The following FAM3C variants were observed in gnomAD, a reference collection of about 807,000 sequenced individuals.
FAM3C encodes the protein protein FAM3C.
In FAM3C, 15 loss-of-function variants were observed where a neutral mutation model predicts 32.5. The observed-to-expected ratio is 0.46, with a 90% confidence interval of 0.31 to 0.71. FAM3C has a LOEUF of 0.71. FAM3C is among the 30% of genes least tolerant of loss of function. FAM3C has a pLI of 0.05. For synonymous variants in FAM3C, 75 were observed against 86.1 expected (o/e 0.87, Z 0.72); for missense variants, 175 against 274.4 (o/e 0.64, Z 2.56).
At chr7:121,376,143 C>G (rs1367796523) in intron 3 of FAM3C, among the ~76,000 whole-genome samples, 2 of 152,194 alleles carry the variant, frequency 1.3e-5, no homozygotes, top group Non-Finnish European at 2.9e-5. Context: ...TAGAAGTACA[C>G]AGACCAGAAC....
chr7:121,369,236 C>G (rs1794093533), intron 5 of FAM3C, among the ~76,000 whole-genome samples: 1 of 152,112 alleles, frequency 6.6e-6, no homozygotes, highest in African/African-American at 2.4e-5. Flanking sequence ...CCGCTTCGAC[C>G]TCCCAAAGTG....
chr7:121,356,646 T>C (rs1793815349), intron 8 of FAM3C, among the ~76,000 whole-genome samples: 1 of 152,182 alleles, frequency 6.6e-6, no homozygotes. Context: ...AACAAGAGAA[T>C]CTTGCCCAGG....
rs67277678 is a variant in FAM3C at position 121,381,656 on chromosome 7, CCACACACACA to C, written c.13+1291_13+1300del. ...AAGTCCTGCTGTACTCAAAGAACAT[CCACACACACA>C]CACACACACACACACACACACACAC... On this transcript the variant is annotated intron_variant, in intron 2 of 9. Transcript: ENST00000359943. Among the ~76,000 whole-genome samples the C allele has an allele frequency of 7.4e-3, 1,051 of 142,322 alleles. 11 individuals carry two copies. The highest frequency in any genetic ancestry group is 0.026 in the African/African-American group (1,010 of 39,240). 93.4% of individuals were successfully genotyped at this position (142,322 alleles called of 152,430 possible). A position where few individuals can be genotyped will look rare whatever the true frequency, so the allele number is the denominator to read the frequency against.
intron 3 of FAM3C, among the ~76,000 whole-genome samples, chr7:121,378,114 C>G (rs759707920): frequency 2.0e-5 from 3 of 152,142 alleles, no homozygotes; most frequent in Admixed American, 6.5e-5. Flanking sequence ...ATAAGATATT[C>G]ATATACAATC....
chr7:121,382,757 C>CA (rs370014532), intron 2 of FAM3C, among the ~76,000 whole-genome samples, 200 bp downstream of exon 2: 1,557 of 143,230 alleles, frequency 0.011, 11 homozygotes, highest in Middle Eastern at 0.036. Flanking sequence ...AAGACTTGAA[C>CA]AAAAAAAAAA....
intron 2 of FAM3C, among the ~76,000 whole-genome samples, 189 bp from the exon 3 acceptor site, chr7:121,379,203 C>T (rs571286210): frequency 6.6e-6 from 1 of 152,178 alleles, no homozygotes; most frequent in East Asian, 1.9e-4. Context: ...TTTTCCTGAT[C>T]AAAGAATTCT....
At chr7:121,350,584 A>G in intron 9 of FAM3C, 34 bp from the exon 10 acceptor site, 1 of 1,598,790 alleles carries the variant, frequency 6.3e-7, no homozygotes, top group Non-Finnish European at 8.6e-7. Context: ...ACAGTTTAAA[A>G]AACCGTTGTA....
intron 1 of FAM3C, among the ~76,000 whole-genome samples, chr7:121,393,684 G>C (rs1213518968): frequency 6.6e-6 from 1 of 152,196 alleles, no homozygotes; most frequent in Admixed American, 6.5e-5. Context: ...TTCCTCCTCT[G>C]AGAGGAAGTC....
intron 1 of FAM3C, among the ~76,000 whole-genome samples, chr7:121,385,918 G>A (rs1467494470): frequency 6.6e-6 from 1 of 152,138 alleles, no homozygotes; most frequent in East Asian, 1.9e-4. Flanking sequence ...TATGAGATCA[G>A]GGGATTTCTC....
At chr7:121,371,201 A>G in intron 5 of FAM3C, 99 bp downstream of exon 5, 1 of 1,369,898 alleles carries the variant, frequency 7.3e-7, no homozygotes, top group Non-Finnish European at 1.0e-6. Context: ...TCCATTAATA[A>G]AGTATACCGA....
intron 8 of FAM3C, among the ~76,000 whole-genome samples, chr7:121,359,183 T>C (rs1793874217): frequency 6.6e-6 from 1 of 151,954 alleles, no homozygotes; most frequent in Non-Finnish European, 1.5e-5. Flanking sequence ...ATTAATCATT[T>C]CCACTTTAAA....
At chr7:121,352,963 T>G (rs566731323) in intron 8 of FAM3C, among the ~76,000 whole-genome samples, 1 of 152,282 alleles carries the variant, frequency 6.6e-6, no homozygotes, top group African/African-American at 2.4e-5. Flanking sequence ...AGTATTGAAA[T>G]GTCTAGAGCA....
intron 8 of FAM3C, among the ~76,000 whole-genome samples, chr7:121,352,819 C>T (rs897126518): frequency 2.6e-5 from 4 of 152,216 alleles, no homozygotes; most frequent in African/African-American, 7.2e-5. Flanking sequence ...TATTGGGATG[C>T]CATGGATCTA....
chr7:121,360,764 G>T (rs1793903287), intron 7 of FAM3C, among the ~76,000 whole-genome samples: 1 of 152,164 alleles, frequency 6.6e-6, no homozygotes, highest in Non-Finnish European at 1.5e-5. Flanking sequence ...GAGGCCAGGA[G>T]GTGGAGGTTG....
chr7:121,368,852 T>A (rs1004651877), intron 5 of FAM3C, among the ~76,000 whole-genome samples: 1 of 151,854 alleles, frequency 6.6e-6, no homozygotes, highest in African/African-American at 2.4e-5. Context: ...AACTGTTCCA[T>A]AACCCTCAAT....
intron 1 of FAM3C, among the ~76,000 whole-genome samples, chr7:121,390,215 T>C (rs1794547495): frequency 6.6e-6 from 1 of 152,270 alleles, no homozygotes; most frequent in African/African-American, 2.4e-5. Flanking sequence ...AAACTCATTT[T>C]GCATCTTGCT....
intron 8 of FAM3C, among the ~76,000 whole-genome samples, chr7:121,353,672 C>T (rs892779111): frequency 1.3e-5 from 2 of 152,134 alleles, no homozygotes; most frequent in Non-Finnish European, 1.5e-5. Flanking sequence ...CAGAGGGTGC[C>T]TACATGACCA....
At chr7:121,381,332 GATTA>G (rs1373723839) in intron 2 of FAM3C, among the ~76,000 whole-genome samples, 6 of 152,074 alleles carry the variant, frequency 3.9e-5, no homozygotes, top group Non-Finnish European at 8.8e-5. Flanking sequence ...AATTAGAAGA[GATTA>G]ATTAGTTAAA....
At chr7:121,390,268 T>C (rs1019590653) in intron 1 of FAM3C, among the ~76,000 whole-genome samples, 6 of 152,220 alleles carry the variant, frequency 3.9e-5, no homozygotes, top group African/African-American at 1.4e-4. Flanking sequence ...TACAACCACA[T>C]TTTTATTTCT....
Sources: gnomAD v4.1 joint callset for allele counts (sites outside exome capture counted in the v4.1 genomes callset) on GRCh38, gnomAD v4.1.1 for gene constraint, MANE v1.5 for transcripts, NCBI Gene and HGNC (gene_info 2026-07-23, HGNC 2026-07-21) for gene names.